HLCS: variants seen among roughly 807,000 people sequenced by gnomAD.
The protein encoded by HLCS is holocarboxylase synthetase.
HLCS carries 53 observed loss-of-function variants against 75.0 expected under a neutral mutation model. That is an observed-to-expected ratio of 0.71 (90% CI 0.57 to 0.89). The LOEUF is 0.89. Among genes scored for constraint, HLCS ranks in the 40% least tolerant of loss-of-function variants. HLCS has a pLI of 0.00. For synonymous variants in HLCS, 431 were observed against 428.6 expected (o/e 1.01, Z -0.07); for missense variants, 966 against 1,074.0 (o/e 0.90, Z 1.41).
At chr21:36,776,708 C>A (rs765350400) in intron 6 of HLCS, among the ~76,000 whole-genome samples, 17 of 152,118 alleles carry the variant, frequency 1.1e-4, no homozygotes, top group African/African-American at 3.9e-4. Context: ...CCACCGCACC[C>A]GGCTGATATG....
rs1049366434 is a variant in HLCS, at chr21:36,750,451, T to C, written c.*3795A>G. ...TGTGGAGGGCAGCGCGGAGGGTATC[T>C]GCAAGAGCCTGTATTTTCCGCCTCC... On this transcript the variant is annotated 3_prime_UTR_variant, in exon 11 of 11. Coordinates refer to ENST00000674895, the MANE Select transcript of HLCS (RefSeq NM_001352514.2). Among the ~76,000 whole-genome samples, 1 of 152,194 alleles carries C rather than the reference T, an allele frequency of 6.6e-6. No homozygotes were observed. Among genetic ancestry groups the C allele is most frequent in the Non-Finnish European group, 1.5e-5 (1 of 68,028 alleles).
chr21:36,930,456 T>G (rs144522679), intron 4 of HLCS, 23 bp from the exon 5 acceptor site: 1 of 1,600,718 alleles, frequency 6.2e-7, no homozygotes, highest in African/African-American at 1.3e-5. Flanking sequence ...GATAGCACTA[T>G]GTAAACTGAG....
intron 6 of HLCS, among the ~76,000 whole-genome samples, chr21:36,782,449 T>A (rs182075627): frequency 6.6e-6 from 1 of 152,128 alleles, no homozygotes; most frequent in Non-Finnish European, 1.5e-5. Context: ...AATCTACATA[T>A]AAGAACCTTA....
rs866442111 is a variant in HLCS, at chr21:36,962,186, G to C, written c.196-16C>G. On this transcript the variant is annotated splice_polypyrimidine_tract_variant and intron_variant, in intron 1 of 10. Transcript: ENST00000674895. ...CTTCAATGGACTGTATAGAGGGAAA[G>C]AAATATAATGAGATTGTCACTTCAT... 3 of 1,277,306 alleles carry C rather than the reference G, an allele frequency of 2.3e-6. No individual in the cohort carries two copies. Among genetic ancestry groups the C allele is most frequent in the Admixed American group, 2.4e-5 (1 of 42,066 alleles). 79.1% of individuals were successfully genotyped at this position (1,277,306 alleles called of 1,614,324 possible).
intron 6 of HLCS, among the ~76,000 whole-genome samples, chr21:36,885,872 G>A (rs987622238): frequency 3.3e-5 from 5 of 152,084 alleles, no homozygotes; most frequent in Non-Finnish European, 7.4e-5. Flanking sequence ...CCAGCTACAT[G>A]ACACAGATAA....
chr21:36,818,092 A>T (rs991658001), intron 6 of HLCS, among the ~76,000 whole-genome samples: 1 of 152,248 alleles, frequency 6.6e-6, no homozygotes, highest in Non-Finnish European at 1.5e-5. Context: ...AGATCAGCCT[A>T]GGATCATACA....
At chr21:36,972,454 CCTT>C (rs1019116357) in intron 1 of HLCS, among the ~76,000 whole-genome samples, 1 of 152,166 alleles carries the variant, frequency 6.6e-6, no homozygotes, top group African/African-American at 2.4e-5. Context: ...GCCTCACCCT[CCTT>C]GAGATTTCAG....
intron 6 of HLCS, among the ~76,000 whole-genome samples, chr21:36,890,677 C>A (rs2064744635): frequency 1.3e-5 from 2 of 152,162 alleles, no homozygotes; most frequent in African/African-American, 4.8e-5. Context: ...CATGGTAGCT[C>A]AGCTGGTACT....
chr21:36,761,151 C>T (rs1296274205), intron 8 of HLCS, among the ~76,000 whole-genome samples: 1 of 152,176 alleles, frequency 6.6e-6, no homozygotes, highest in Non-Finnish European at 1.5e-5. Flanking sequence ...TTGGTGCTAG[C>T]GCATCCCCAG....
At chr21:36,915,627 T>C (rs1205356272) in intron 5 of HLCS, among the ~76,000 whole-genome samples, 3 of 152,174 alleles carry the variant, frequency 2.0e-5, no homozygotes, top group African/African-American at 7.2e-5. Context: ...GGTGCATTCG[T>C]TCATAGGAGA....
chr21:36,809,846 C>T (rs1326663185), intron 6 of HLCS, among the ~76,000 whole-genome samples: 1 of 152,184 alleles, frequency 6.6e-6, no homozygotes, highest in East Asian at 1.9e-4. Flanking sequence ...CCAAGCAATC[C>T]TCCCACCTGA....
chr21:36,775,767 C>T (rs1031850379), intron 6 of HLCS, among the ~76,000 whole-genome samples: 2 of 152,214 alleles, frequency 1.3e-5, no homozygotes, highest in African/African-American at 4.8e-5. Flanking sequence ...CATAAGTCAC[C>T]TGCCCCTAAA....
At chr21:36,811,518 T>C (rs2061509438) in intron 6 of HLCS, among the ~76,000 whole-genome samples, 1 of 152,214 alleles carries the variant, frequency 6.6e-6, no homozygotes, top group Middle Eastern at 3.2e-3. Flanking sequence ...AGAGCCCGAA[T>C]GCCCTCCCTG....
chr21:36,983,184 T>C (rs73196096), intron 1 of HLCS, among the ~76,000 whole-genome samples: 56,875 of 132,144 alleles, frequency 0.43, 10,829 homozygotes, highest in African/African-American at 0.46. Flanking sequence ...ACAACCTCTT[T>C]TTTATTTTCT....
intron 1 of HLCS, among the ~76,000 whole-genome samples, chr21:36,978,734 A>G (rs1049532182): frequency 6.6e-6 from 1 of 152,172 alleles, no homozygotes; most frequent in Admixed American, 6.5e-5. Context: ...ACCCTGTAGC[A>G]GACGCCTTGG....
intron 1 of HLCS, among the ~76,000 whole-genome samples, chr21:36,966,231 C>T (rs2068568233): frequency 6.6e-6 from 1 of 152,114 alleles, no homozygotes. Context: ...CCCGGCTGGC[C>T]GGGAAGAGGC....
intron 6 of HLCS, among the ~76,000 whole-genome samples, chr21:36,866,857 TAAAGG>T: frequency 6.7e-6 from 1 of 149,800 alleles, no homozygotes; most frequent in African/African-American, 2.5e-5. Context: ...TTTTTTTTTT[TAAAGG>T]TTCTGCTCTA....
chr21:36,959,289 C>A (rs891388448), intron 2 of HLCS, among the ~76,000 whole-genome samples: 2 of 152,198 alleles, frequency 1.3e-5, no homozygotes, highest in African/African-American at 4.8e-5. Context: ...CTCAGGATGG[C>A]GCTGACACAC....
chr21:36,888,987 T>C (rs1367843749), intron 6 of HLCS, among the ~76,000 whole-genome samples: 1 of 152,110 alleles, frequency 6.6e-6, no homozygotes, highest in East Asian at 1.9e-4. Context: ...CCAAGAACGG[T>C]GTACACAACT....
Sources: allele counts gnomAD v4.1 joint callset (sites outside exome capture counted in the v4.1 genomes callset), GRCh38; gene constraint gnomAD v4.1.1; transcripts MANE v1.5; gene names NCBI Gene and HGNC (gene_info 2026-07-23, HGNC 2026-07-21).